GPHN: variants seen among roughly 807,000 people sequenced by gnomAD.
GPHN encodes the protein gephyrin.
A neutral mutation model predicts 95.5 loss-of-function variants in GPHN; 17 were observed. The ratio of observed to expected loss-of-function variants is 0.18; its 90% CI spans 0.12 to 0.27. GPHN has a LOEUF of 0.27. Among genes scored for constraint, GPHN ranks in the 10% least tolerant of loss-of-function variants. The probability of loss-of-function intolerance (pLI) is 1.00; values close to 1 mark genes in which losing one functional copy is unlikely to be tolerated. For synonymous variants in GPHN, 320 were observed against 322.5 expected, an observed-to-expected ratio of 0.99 and a Z score of 0.08; for missense variants, 660 against 978.1, an observed-to-expected ratio of 0.67 and a Z score of 4.34.
chr14:66,887,126 C>G (rs372830894), intron 5 of GPHN, among the ~76,000 whole-genome samples: 1 of 152,056 alleles, frequency 6.6e-6, no homozygotes, highest in Non-Finnish European at 1.5e-5. Context: ...AGCCCTAACC[C>G]GAGGAGAAAC....
chr14:66,988,227 A>G (rs1176300823), intron 9 of GPHN, among the ~76,000 whole-genome samples: 2 of 152,038 alleles, frequency 1.3e-5, no homozygotes, highest in African/African-American at 4.8e-5. Context: ...ATTGCTGTTG[A>G]CTTAATAATA....
chr14:67,022,541 C>CTT (rs1214143019), intron 9 of GPHN, among the ~76,000 whole-genome samples: 7 of 18,888 alleles, frequency 3.7e-4, no homozygotes, highest in African/African-American at 6.7e-4. Context: ...ATTATTTTTC[C>CTT]TTTTTTTTTT....
intron 17 of GPHN, among the ~76,000 whole-genome samples, chr14:67,136,099 A>T (rs2080062912): frequency 7.2e-6 from 1 of 138,686 alleles, no homozygotes; most frequent in Admixed American, 7.2e-5. Flanking sequence ...ATTGCCCCAG[A>T]AGTTTTATTT....
chr14:67,387,401 T>C, the GPHN span: 1 of 1,610,566 alleles, frequency 6.2e-7, no homozygotes, highest in Non-Finnish European at 8.5e-7. Context: ...TGTAATAGTG[T>C]GTGTCATCCT....
the GPHN span, chr14:67,578,580 A>T: frequency 6.2e-7 from 1 of 1,612,420 alleles, no homozygotes; most frequent in Admixed American, 1.7e-5. This position sits in a 1 kb window ranked among gnomAD's most constrained non-coding sequence, Gnocchi z 5.0. Flanking sequence ...CTGCCTCAGC[A>T]TCACTTCCTC....
intron 9 of GPHN, among the ~76,000 whole-genome samples, chr14:66,997,627 C>A (rs1181543379): frequency 6.6e-6 from 1 of 152,176 alleles, no homozygotes; most frequent in African/African-American, 2.4e-5. Flanking sequence ...ATCTGCAGAT[C>A]TCAAATTTTA....
At chr14:67,573,421 G>A in the GPHN span, 1 of 1,235,386 alleles carries the variant, frequency 8.1e-7, no homozygotes. This position sits in a 1 kb window ranked among gnomAD's most constrained non-coding sequence, Gnocchi z 4.8. Context: ...GCAGTCAAAA[G>A]GTCTCCACAT....
the GPHN span, chr14:67,199,532 G>A: frequency 5.6e-6 from 9 of 1,610,904 alleles, no homozygotes; most frequent in Non-Finnish European, 7.6e-6. Context: ...TTCAGTTGCA[G>A]CAATTGAAGC....
At chr14:67,727,628 A>C in the GPHN span, 1 of 221,420 alleles carries the variant, frequency 4.5e-6, no homozygotes, top group Non-Finnish European at 9.1e-6. Context: ...GATTACAAGC[A>C]CGCAATATCA....
At chr14:67,632,807 A>ATTT in the GPHN span, among the ~76,000 whole-genome samples, 1 of 113,776 alleles carries the variant, frequency 8.8e-6, no homozygotes, top group Admixed American at 1.0e-4. Flanking sequence ...TAAGCCTCTT[A>ATTT]ATTTTTTTTT....
At chr14:66,900,283 G>T (rs1204120708) in intron 5 of GPHN, among the ~76,000 whole-genome samples, 2 of 151,350 alleles carry the variant, frequency 1.3e-5, no homozygotes, top group Non-Finnish European at 2.9e-5. Flanking sequence ...CTTGTTTGGG[G>T]TTCATTTTGC....
At chr14:67,101,887 T>TA in intron 13 of GPHN, among the ~76,000 whole-genome samples, 1 of 149,304 alleles carries the variant, frequency 6.7e-6, no homozygotes, top group East Asian at 1.9e-4. Flanking sequence ...TTTATTTATT[T>TA]TTGAAACGTA....
intron 13 of GPHN, among the ~76,000 whole-genome samples, chr14:67,106,116 T>C (rs2078026005): frequency 6.6e-6 from 1 of 152,184 alleles, no homozygotes; most frequent in Non-Finnish European, 1.5e-5. Flanking sequence ...CCATTTTTGC[T>C]TGTCTGGGAA....
the GPHN span, chr14:67,473,359 G>A: frequency 6.3e-7 from 1 of 1,579,626 alleles, no homozygotes; most frequent in Non-Finnish European, 8.6e-7. This position sits in a 1 kb window ranked among gnomAD's most constrained non-coding sequence, Gnocchi z 6.5. Flanking sequence ...AACCTCACCA[G>A]CTTGGTCTCT....
the GPHN span, among the ~76,000 whole-genome samples, chr14:67,715,992 G>A: frequency 1.3e-5 from 2 of 152,004 alleles, no homozygotes; most frequent in African/African-American, 4.8e-5. Context: ...TCAAGAGATA[G>A]AGACCATCCT....
intron 9 of GPHN, among the ~76,000 whole-genome samples, chr14:66,988,103 T>C (rs1351438211): frequency 1.3e-5 from 2 of 151,918 alleles, no homozygotes; most frequent in Non-Finnish European, 2.9e-5. Context: ...ATCTTTTTCC[T>C]TTCTGTCTCT....
the GPHN span, chr14:67,722,654 C>T: frequency 6.2e-7 from 1 of 1,613,798 alleles, no homozygotes; most frequent in Non-Finnish European, 8.5e-7. Flanking sequence ...TGCTGGTCAC[C>T]TTGGGACTGC....
intron 5 of GPHN, among the ~76,000 whole-genome samples, chr14:66,899,011 C>A (rs1226245752): frequency 4.6e-5 from 7 of 151,534 alleles, no homozygotes; most frequent in Non-Finnish European, 1.0e-4. Context: ...TAGGTGTCCA[C>A]CTCATGTTCA....
At chr14:67,004,963 A>G (rs527637970) in intron 9 of GPHN, among the ~76,000 whole-genome samples, 2 of 151,864 alleles carry the variant, frequency 1.3e-5, no homozygotes, top group Admixed American at 1.3e-4. Context: ...AATCGGCTTT[A>G]TTGAGTTACC....
Sources: allele counts gnomAD v4.1 joint callset (sites outside exome capture counted in the v4.1 genomes callset), GRCh38; gene constraint gnomAD v4.1.1; non-coding constraint Gnocchi (gnomAD v3.1); transcripts MANE v1.5; gene names NCBI Gene and HGNC (gene_info 2026-07-23, HGNC 2026-07-21).